RANBP2: variants seen among roughly 807,000 people sequenced by gnomAD.
RANBP2 encodes the protein E3 SUMO-protein ligase RanBP2.
Under a neutral mutation model 303.6 loss-of-function variants are expected in RANBP2, and 57 were observed. That is an observed-to-expected ratio of 0.19 (90% CI 0.15 to 0.23). The LOEUF (loss-of-function observed/expected upper bound fraction) is 0.23, where lower values mean the gene tolerates loss of function less well. Among genes scored for constraint, RANBP2 ranks in the 10% least tolerant of loss-of-function variants. The probability of loss-of-function intolerance (pLI) is 1.00; values close to 1 mark genes in which losing one functional copy is unlikely to be tolerated. For missense variants in RANBP2, 3,138 were observed against 3,780.8 expected (o/e 0.83, Z 4.46); for synonymous variants, 1,167 against 1,301.5 (o/e 0.90, Z 2.23).
chr2:109,507,691 C>A, the RANBP2 span, among the ~76,000 whole-genome samples: 3 of 152,184 alleles, frequency 2.0e-5, no homozygotes. Context: ...AGGGTTAAAT[C>A]CCAGACACCC....
intron 14 of RANBP2, 49 bp from the exon 15 acceptor site, chr2:108,753,776 T>A (rs772438230): frequency 6.8e-6 from 11 of 1,611,460 alleles, no homozygotes; most frequent in Middle Eastern, 4.5e-4. Context: ...AAGCTAAAAG[T>A]TTTTTGTTTT....
chr2:108,915,881 G>A, the RANBP2 span, among the ~76,000 whole-genome samples: 1 of 151,668 alleles, frequency 6.6e-6, no homozygotes, highest in East Asian at 1.9e-4. Flanking sequence ...TGGGCAACAA[G>A]AGCGAAACTC....
chr2:109,520,814 C>G, the RANBP2 span, among the ~76,000 whole-genome samples: 142 of 135,566 alleles, frequency 1.0e-3, 9 homozygotes, highest in African/African-American at 3.4e-3. Context: ...GTCTGTAATC[C>G]CAGCTACTCA....
chr2:108,819,275 T>A, the RANBP2 span, among the ~76,000 whole-genome samples: 1 of 152,174 alleles, frequency 6.6e-6, no homozygotes, highest in African/African-American at 2.4e-5. Context: ...TGCATGTGTG[T>A]TCCCCTGCCG....
chr2:108,877,992 C>G, the RANBP2 span, among the ~76,000 whole-genome samples: 1 of 152,092 alleles, frequency 6.6e-6, no homozygotes, highest in African/African-American at 2.4e-5. Flanking sequence ...GTGAAGATGC[C>G]TTTCATAAGT....
chr2:109,737,319 G>T, the RANBP2 span: 1 of 678,454 alleles, frequency 1.5e-6, no homozygotes, highest in Admixed American at 2.4e-5. Context: ...CGGTGATCTT[G>T]CTCTTGCTCC....
chr2:109,151,099 G>A, the RANBP2 span, among the ~76,000 whole-genome samples: 1 of 152,176 alleles, frequency 6.6e-6, no homozygotes, highest in Non-Finnish European at 1.5e-5. Flanking sequence ...CAATGTATTT[G>A]CCCTGCATTT....
At chr2:109,544,490 TAG>T in the RANBP2 span, 1 of 985,212 alleles carries the variant, frequency 1.0e-6, no homozygotes, top group African/African-American at 1.7e-5. Context: ...TAAATTCTTC[TAG>T]AGAGCTCTCA....
At chr2:109,283,095 C>T in the RANBP2 span, among the ~76,000 whole-genome samples, 10 of 152,210 alleles carry the variant, frequency 6.6e-5, no homozygotes, top group Non-Finnish European at 1.3e-4. Flanking sequence ...TGGGCAGCAG[C>T]GGTGATGATG....
the RANBP2 span, among the ~76,000 whole-genome samples, chr2:109,581,443 A>G: frequency 2.0e-5 from 3 of 152,102 alleles, no homozygotes; most frequent in Admixed American, 6.6e-5. Flanking sequence ...TCTCAAAAAA[A>G]AAAACAAAAA....
At chr2:109,105,949 G>A in the RANBP2 span, among the ~76,000 whole-genome samples, 1 of 151,008 alleles carries the variant, frequency 6.6e-6, no homozygotes, top group African/African-American at 2.4e-5. Flanking sequence ...TGCCTCCCAG[G>A]TTCAAGCAAT....
chr2:108,838,871 G>C, the RANBP2 span, among the ~76,000 whole-genome samples: 1 of 151,802 alleles, frequency 6.6e-6, no homozygotes, highest in East Asian at 1.9e-4. Flanking sequence ...ATAAATCTAG[G>C]TTATCATTTT....
At chr2:109,022,788 C>T in the RANBP2 span, among the ~76,000 whole-genome samples, 6 of 152,184 alleles carry the variant, frequency 3.9e-5, 1 homozygote, top group South Asian at 1.2e-3. Flanking sequence ...TGGTGGCTCA[C>T]GCATGTAATC....
chr2:108,761,067 A>G (rs1264502643), intron 18 of RANBP2, among the ~76,000 whole-genome samples: 2 of 150,234 alleles, frequency 1.3e-5, no homozygotes, highest in Admixed American at 6.7e-5. Context: ...GTTTAGAGTC[A>G]GTAGTCAATT....
At chr2:109,694,278 C>T in the RANBP2 span, among the ~76,000 whole-genome samples, 1 of 152,162 alleles carries the variant, frequency 6.6e-6, no homozygotes, top group South Asian at 2.1e-4. Context: ...TGCTCCTGCT[C>T]TGGCAGTGTG....
the RANBP2 span, among the ~76,000 whole-genome samples, chr2:109,106,088 C>T: frequency 7.9e-5 from 12 of 151,584 alleles, no homozygotes; most frequent in African/African-American, 1.7e-4. Flanking sequence ...GTCTAGATCT[C>T]CTGACCTCGT....
chr2:108,907,410 C>T, the RANBP2 span, among the ~76,000 whole-genome samples: 1 of 152,064 alleles, frequency 6.6e-6, no homozygotes, highest in African/African-American at 2.4e-5. Flanking sequence ...CTTTGGAAGG[C>T]CGAGGCGGGT....
At chr2:109,114,218 T>C in the RANBP2 span, among the ~76,000 whole-genome samples, 9 of 152,244 alleles carry the variant, frequency 5.9e-5, no homozygotes, top group Non-Finnish European at 1.0e-4. Context: ...TGGTACCAGT[T>C]CCTCCTTGTA....
chr2:109,346,672 A>G, the RANBP2 span, among the ~76,000 whole-genome samples: 2 of 152,144 alleles, frequency 1.3e-5, no homozygotes, highest in Non-Finnish European at 2.9e-5. Context: ...GGAAGAAGAC[A>G]TCACATCAGT....
Sources: allele counts gnomAD v4.1 joint callset (sites outside exome capture counted in the v4.1 genomes callset), GRCh38; gene constraint gnomAD v4.1.1; transcripts MANE v1.5; gene names NCBI Gene and HGNC (gene_info 2026-07-23, HGNC 2026-07-21).